Variants in USH2A observed in about 807,000 individuals in gnomAD.
USH2A encodes Usher syndrome 2A (autosomal recessive, mild).
In USH2A, 443 loss-of-function variants were observed where a neutral mutation model predicts 538.9. The ratio of observed to expected loss-of-function variants is 0.82; its 90% confidence interval spans 0.76 to 0.89. The LOEUF (loss-of-function observed/expected upper bound fraction) is 0.89, where lower values mean the gene tolerates loss of function less well. Ranked by LOEUF, USH2A falls within the 40% of genes least tolerant of loss-of-function variation. The probability of loss-of-function intolerance (pLI) is 0.00; values close to 1 mark genes in which losing one functional copy is unlikely to be tolerated. For synonymous variants in USH2A, 2,413 were observed against 2,273.5 expected, an observed-to-expected ratio of 1.06 and a Z score of -1.75; for missense variants, 6,633 against 6,324.8, an observed-to-expected ratio of 1.05 and a Z score of -1.65.
intron 32 of USH2A, among the ~76,000 whole-genome samples, chr1:216,031,132 T>C (rs567621192): frequency 6.6e-6 from 1 of 152,154 alleles, no homozygotes; most frequent in African/African-American, 2.4e-5. Flanking sequence ...ATCCTCATAA[T>C]CTGAGAATTC....
At chr1:216,420,806 T>C (rs1370901977) in intron 2 of USH2A, among the ~76,000 whole-genome samples, 1 of 151,804 alleles carries the variant, frequency 6.6e-6, no homozygotes. Context: ...TGGTTTGTGA[T>C]TAATTTTGTG....
intron 27 of USH2A, among the ~76,000 whole-genome samples, chr1:216,076,730 T>C (rs1468266489): frequency 6.6e-6 from 1 of 152,188 alleles, no homozygotes; most frequent in Non-Finnish European, 1.5e-5. Context: ...ACTACCCTTC[T>C]AAAAGTCTCC....
chr1:215,938,090 G>A (rs1389748737), intron 37 of USH2A, among the ~76,000 whole-genome samples: 1 of 151,952 alleles, frequency 6.6e-6, no homozygotes, highest in Admixed American at 6.6e-5. Context: ...TGATTACTCA[G>A]TAATTATAAG....
At chr1:215,667,360 T>C (rs763839760) in intron 64 of USH2A, among the ~76,000 whole-genome samples, 1 of 152,180 alleles carries the variant, frequency 6.6e-6, no homozygotes, top group Non-Finnish European at 1.5e-5. Context: ...TTTCCCTCTT[T>C]GGTTTTCTGC....
At chr1:215,960,839 A>G (rs6670538) in intron 37 of USH2A, among the ~76,000 whole-genome samples, 28,695 of 152,042 alleles carry the variant, frequency 0.19, 2,998 homozygotes, top group African/African-American at 0.28. Context: ...AAGACCCAGT[A>G]TTACCAAAAT....
intron 38 of USH2A, among the ~76,000 whole-genome samples, chr1:215,903,581 C>T (rs2365631): frequency 0.92 from 140,209 of 152,106 alleles, 64,661 homozygotes; most frequent in East Asian, 1. Context: ...TTTGAATCAA[C>T]TGAGAGTCAG....
At chr1:215,882,718 A>C (rs991846986) in intron 41 of USH2A, among the ~76,000 whole-genome samples, 3 of 152,130 alleles carry the variant, frequency 2.0e-5, no homozygotes, top group Non-Finnish European at 4.4e-5. Flanking sequence ...ACAGAAAAAA[A>C]GTTCTCTACC....
At chr1:216,037,186 G>A (rs1349266795) in intron 32 of USH2A, among the ~76,000 whole-genome samples, 3 of 152,086 alleles carry the variant, frequency 2.0e-5, no homozygotes, top group African/African-American at 7.2e-5. Context: ...AGAACTGTAA[G>A]ATCCTAATGA....
At chr1:216,089,810 G>A (rs1242645243) in intron 22 of USH2A, among the ~76,000 whole-genome samples, 1 of 150,184 alleles carries the variant, frequency 6.7e-6, no homozygotes, top group African/African-American at 2.5e-5. Context: ...CAAATAGGAG[G>A]TAAGAATAAA....
At position 216,041,373 on chromosome 1, in the gene USH2A, A is replaced by G. The variant is rs965206755; in HGVS notation, c.6325+5058T>C. On this transcript the variant is annotated intron_variant, in intron 32 of 71. Transcript: ENST00000307340. ...ATGCCTTTGACTTTTAATGCTTCAT[A>G]TTTAAGAAAAAGAAGAAAAAAAAAT... Among the ~76,000 whole-genome samples the G allele has an allele frequency of 2.0e-5, 3 of 152,022 alleles. No individual in the cohort carries two copies. In the East Asian group the frequency reaches 5.8e-4, roughly 29 times the overall value.
intron 64 of USH2A, among the ~76,000 whole-genome samples, chr1:215,655,692 C>A (rs914477476): frequency 6.6e-6 from 1 of 150,598 alleles, no homozygotes; most frequent in Admixed American, 6.6e-5. Context: ...GAATGGTGAC[C>A]CTTTGGATGC....
intron 13 of USH2A, among the ~76,000 whole-genome samples, chr1:216,245,556 G>A (rs923620540): frequency 5.3e-5 from 8 of 151,296 alleles, no homozygotes; most frequent in African/African-American, 1.5e-4. Flanking sequence ...TCTAATTCCT[G>A]AGTCCTGACT....
intron 20 of USH2A, among the ~76,000 whole-genome samples, chr1:216,187,174 C>A (rs538376733): frequency 2.0e-5 from 3 of 151,862 alleles, no homozygotes; most frequent in Admixed American, 6.6e-5. Context: ...TCTCCCAAAT[C>A]AAAATCATTT....
At chr1:216,211,281 G>A (rs765819109) in intron 15 of USH2A, among the ~76,000 whole-genome samples, 4 of 152,178 alleles carry the variant, frequency 2.6e-5, no homozygotes, top group Non-Finnish European at 5.9e-5. Flanking sequence ...TACAAGCACA[G>A]GCAAAATAAC....
Position 216,073,183 on chromosome 1 carries a change from G to C in USH2A, c.5690C>G (p.Ala1897Gly), listed in dbSNP as rs1316067588. The change falls in exon 28 of 72, where the codon GCT becomes GGT. Residue 1897 changes from alanine to glycine, a missense_variant. Ala to Gly is a moderately conservative substitution (Grantham distance 60). Coordinates refer to ENST00000307340, the MANE Select transcript of USH2A (RefSeq NM_206933.4). ...NLDGCLSTDS[A>G]VNCRGNDSIL... ...GGAGTCATTTCCCCTGCAGTTAACAGCACTGTCAGTTGATAGGCATCCATC... is the reference window on the plus strand; with the variant it reads ...GGAGTCATTTCCCCTGCAGTTAACACCACTGTCAGTTGATAGGCATCCATC... 6.2e-7 allele frequency: 1 copy of C among 1,613,838 alleles called. No individual in the cohort carries two copies. The highest frequency in any genetic ancestry group is 1.1e-5 in the South Asian group (1 of 91,066).
intron 61 of USH2A, among the ~76,000 whole-genome samples, chr1:215,721,746 T>C (rs1659666579): frequency 6.6e-6 from 1 of 152,076 alleles, no homozygotes; most frequent in Non-Finnish European, 1.5e-5. Flanking sequence ...GAAAAGTTGA[T>C]ATTAAAGCTA....
intron 35 of USH2A, among the ~76,000 whole-genome samples, chr1:215,973,640 A>ACTTCTT (rs147870319): frequency 0.011 from 1,485 of 133,356 alleles, 22 homozygotes; most frequent in African/African-American, 0.026. Context: ...CTCCAAATTT[A>ACTTCTT]CTTCTTCTTC....
chr1:215,818,233 C>T (rs911946114), intron 47 of USH2A, among the ~76,000 whole-genome samples: 1 of 151,808 alleles, frequency 6.6e-6, no homozygotes, highest in Non-Finnish European at 1.5e-5. Flanking sequence ...GCAGTCCTAA[C>T]CCTTGCATTG....
At chr1:216,026,925 A>T (rs904575230) in intron 32 of USH2A, among the ~76,000 whole-genome samples, 4 of 152,210 alleles carry the variant, frequency 2.6e-5, no homozygotes, top group Admixed American at 2.0e-4. Context: ...TGAATTAATG[A>T]AAGAACCACA....
Sources: gnomAD v4.1 joint callset for allele counts (sites outside exome capture counted in the v4.1 genomes callset) on GRCh38, gnomAD v4.1.1 for gene constraint, MANE v1.5 for transcripts, NCBI Gene and HGNC (gene_info 2026-07-23, HGNC 2026-07-21) for gene names.